The following H1-2 variants were observed in gnomAD, a reference collection of about 807,000 sequenced individuals.
The protein encoded by H1-2 is H1.2 linker histone, cluster member, also known as histone H1.2.
Under a neutral mutation model 7.2 loss-of-function variants are expected in H1-2, and 7 were observed. That is an observed-to-expected ratio of 0.97 (90% CI 0.55 to 1.82). The LOEUF is 1.82. Ranked by LOEUF, H1-2 falls within the 40% of genes most tolerant of loss-of-function variation. The pLI, the probability that H1-2 is intolerant of heterozygous loss-of-function variation, is 0.00. For synonymous variants in H1-2, 300 were observed against 118.2 expected (o/e 2.54, Z -9.98); for missense variants, 703 against 276.6 (o/e 2.54, Z -10.94).
At position 26,055,870 on chromosome 6, in the gene H1-2, T is replaced by G. The variant is rs758046715; in HGVS notation, c.559A>C (p.Lys187Gln). The G allele has an allele frequency of 3.7e-6, 6 of 1,614,150 alleles. No homozygotes were observed. The highest frequency in any genetic ancestry group is 5.1e-6 in the Non-Finnish European group (6 of 1,179,960). Residue 187 changes from lysine to glutamine, a missense_variant, in exon 1 of 1, where the codon AAA (lysine) becomes CAA (glutamine). Transcript: ENST00000343677. ...AKVAKPKKAAKSAAKAVKPKA... is the reference protein window; with the variant it reads ...AKVAKPKKAAQSAAKAVKPKA... ...GGCTTCACAGCCTTAGCAGCACTTT[T>G]GGCAGCTTTCTTGGGCTTCGCAACC... is the stretch of plus-strand genomic sequence containing the variant.
rs781230949 is a variant in H1-2 at position 26,056,283 on chromosome 6, G to A, written c.146C>T (p.Ala49Val). 27 of 1,614,126 alleles carry A rather than the reference G, an allele frequency of 1.7e-5. No homozygotes were observed. Among genetic ancestry groups the A allele is most frequent in the South Asian group, 3.3e-5 (3 of 91,094 alleles). Reference sequence around the variant, plus strand: ...AACTCCGCTACGCTCTTTAGAGGCGGCCACAGCCTTGGTGATGAGCTCTGA... The same window carrying A: ...AACTCCGCTACGCTCTTTAGAGGCGACCACAGCCTTGGTGATGAGCTCTGA... ...PVSELITKAV[A>V]ASKERSGVSL... The change falls in exon 1 of 1, where the codon GCC becomes GTC. Residue 49 changes from alanine (A) to valine (V), a missense_variant. Ala to Val is a moderately conservative substitution (Grantham distance 64). Transcript: ENST00000343677.
chr6:26,055,859 A>T lies in H1-2; in HGVS notation c.570T>A (p.Ala190=), dbSNP rs1455233863. The T allele has an allele frequency of 6.2e-7, 1 of 1,614,036 alleles. No homozygotes were observed. The highest frequency in any genetic ancestry group is 8.5e-7 in the Non-Finnish European group (1 of 1,179,938). Residue 190 remains alanine (A), a synonymous_variant, in exon 1 of 1, where the codon GCT becomes GCA. Transcript: ENST00000343677. ...AKPKKAAKSA[A]KAVKPKAAKP... ...TAGCGGCCTTGGGCTTCACAGCCTT[A>T]GCAGCACTTTTGGCAGCTTTCTTGG... is the stretch of plus-strand genomic sequence containing the variant.
At position 26,056,337 on chromosome 6, in the gene H1-2, G is replaced by A. The variant is rs769526254; in HGVS notation, c.92C>T (p.Thr31Met). 3.1e-6 allele frequency: 5 copies of A among 1,614,028 alleles called. No homozygotes were observed. Among genetic ancestry groups the A allele is most frequent in the African/African-American group, 1.3e-5 (1 of 75,074 alleles). Reference protein sequence around the residue: ...KKKAAKKAGGTPRKASGPPVS... With the variant: ...KKKAAKKAGGMPRKASGPPVS... ...CGGGGGACCAGACGCCTTACGAGGC[G>A]TACCCCCAGCCTTTTTGGCCGCCTT... The change falls in exon 1 of 1, where the codon ACG (threonine) becomes ATG (methionine). Residue 31 changes from threonine (T) to methionine (M), a missense_variant. By Grantham distance (81) the Thr-to-Met change is moderately conservative (BLOSUM62 -1). Transcript: ENST00000343677.
rs749161844 is a variant in H1-2, at chr6:26,056,319, C to T, written c.110G>A (p.Gly37Asp). 3.7e-6 allele frequency: 6 copies of T among 1,613,968 alleles called. No homozygotes were observed. In the Admixed American group the frequency reaches 8.3e-5, roughly 22 times the overall value. Residue 37 changes from glycine (G) to aspartate (D), a missense_variant, in exon 1 of 1, where the codon GGT becomes GAT. Transcript: ENST00000343677. ...GGTGATGAGCTCTGACACCGGGGGA[C>T]CAGACGCCTTACGAGGCGTACCCCC... is the stretch of plus-strand genomic sequence containing the variant. ...KAGGTPRKAS[G>D]PPVSELITKA...
rs1761921861 is a variant in H1-2 at position 26,056,235 on chromosome 6, GCT to G, written c.192_193del (p.Lys64AsnfsTer8). 1 of 1,614,112 alleles carries G rather than the reference GCT, an allele frequency of 6.2e-7. No individual in the cohort carries two copies. The highest frequency in any genetic ancestry group is 1.3e-5 in the African/African-American group (1 of 74,946). On this transcript the variant is annotated frameshift_variant, in exon 1 of 1. Transcript: ENST00000343677. LOFTEE classifies it high-confidence loss of function. ...CACATCATAGCCGGCGGCAGCCAACGCTTTTTTCAGAGCAGCCAGAGAAACTC... is the reference window on the plus strand; with the variant it reads ...CACATCATAGCCGGCGGCAGCCAACGTTTTTCAGAGCAGCCAGAGAAACTC...
chr6:26,055,798 T>G lies in H1-2; in HGVS notation c.631A>C (p.Lys211Gln), dbSNP rs928708568. The change falls in exon 1 of 1, where the codon AAG (lysine) becomes CAG (glutamine). Residue 211 changes from lysine (K) to glutamine (Q), a missense_variant. Lys to Gln is a moderately conservative substitution (Grantham distance 53). Coordinates refer to ENST00000343677, the MANE Select transcript of H1-2 (RefSeq NM_005319.4). ...KVVKPKKAAP[K>Q]KK ...AAGTAGGCGTTCGCCTATTTCTTCT[T>G]GGGCGCCGCCTTCTTAGGCTTGACA... 1 of 1,593,046 alleles carries G rather than the reference T, an allele frequency of 6.3e-7. No individual in the cohort carries two copies. Among genetic ancestry groups the G allele is most frequent in the Non-Finnish European group, 8.5e-7 (1 of 1,174,482 alleles).
rs753297409 is a variant in H1-2 at position 26,055,789 on chromosome 6, A to G, written c.640T>C (p.Ter214GlnextTer6). Residue 214 changes from the stop codon to glutamine (Q), a stop_lost, in exon 1 of 1, where the codon TAG (stop) becomes CAG (glutamine). Transcript: ENST00000343677. ...KPKKAAPKKK[*>Q] ...GGGTTTTAGAAGTAGGCGTTCGCCT[A>G]TTTCTTCTTGGGCGCCGCCTTCTTA... 1.3e-6 allele frequency: 2 copies of G among 1,590,646 alleles called. No individual in the cohort carries two copies. The highest frequency in any genetic ancestry group is 1.7e-6 in the Non-Finnish European group (2 of 1,173,860).
chr6:26,055,957 C>T lies in H1-2; in HGVS notation c.472G>A (p.Ala158Thr), dbSNP rs780492856. ...KKSAKKTPKK[A>T]KKPAAATVTK... is the part of the protein sequence containing the mutation. The stretch of plus-strand genomic sequence containing the variant: ...ACAGTGGCCGCGGCCGGCTTCTTCG[C>T]TTTCTTCGGTGTTTTCTTAGCGCTC... Residue 158 changes from alanine (A) to threonine (T), a missense_variant, in exon 1 of 1, where the codon GCG (alanine) becomes ACG (threonine). Ala to Thr is a moderately conservative substitution (Grantham distance 58). Transcript: ENST00000343677. 5.0e-6 allele frequency: 8 copies of T among 1,614,002 alleles called. No individual in the cohort carries two copies. Among genetic ancestry groups the T allele is most frequent in the East Asian group, 2.2e-5 (1 of 44,884 alleles).
rs746494230 is a variant in H1-2, at chr6:26,055,989, G to C, written c.440C>G (p.Pro147Arg). The change falls in exon 1 of 1, where the codon CCG becomes CGG. Residue 147 changes from proline to arginine, a missense_variant. Transcript: ENST00000343677. ...KPKKAAGGAT[P>R]KKSAKKTPKK... Reference sequence around the variant, plus strand: ...CGGTGTTTTCTTAGCGCTCTTCTTCGGAGTTGCGCCGCCAGCCGCCTTCTT... The same window carrying C: ...CGGTGTTTTCTTAGCGCTCTTCTTCCGAGTTGCGCCGCCAGCCGCCTTCTT... 1.9e-6 allele frequency: 3 copies of C among 1,613,832 alleles called. No individual in the cohort carries two copies. Among genetic ancestry groups the C allele is most frequent in the Admixed American group, 1.7e-5 (1 of 59,968 alleles).
Position 26,056,108 on chromosome 6 carries a change from G to A in H1-2, c.321C>T (p.Leu107=), listed in dbSNP as rs1485393333. 6.2e-7 allele frequency: 1 copy of A among 1,614,216 alleles called. No homozygotes were observed. The highest frequency in any genetic ancestry group is 1.7e-4 in the Middle Eastern group (1 of 6,060). The part of the protein sequence containing the change: ...KGTGASGSFK[L]NKKAASGEAK... ...CTTCCCCGGAGGCTGCCTTCTTGTTGAGTTTAAAGGAGCCAGAAGCACCGG... is the reference window on the plus strand; with the variant it reads ...CTTCCCCGGAGGCTGCCTTCTTGTTAAGTTTAAAGGAGCCAGAAGCACCGG... Residue 107 remains leucine (L), a synonymous_variant, in exon 1 of 1, where the codon CTC becomes CTT. Transcript: ENST00000343677.
rs1267448874 is a variant in H1-2 at position 26,055,758 on chromosome 6, C to T, written c.*29G>A. The T allele has an allele frequency of 1.3e-6, 2 of 1,566,206 alleles. No homozygotes were observed. The highest frequency in any genetic ancestry group is 1.4e-5 in the African/African-American group (1 of 72,116). On this transcript the variant is annotated 3_prime_UTR_variant, in exon 1 of 1. Coordinates refer to ENST00000343677, the MANE Select transcript of H1-2 (RefSeq NM_005319.4). ...AGATCAGTGGTGGCTCTGAAAAGAG[C>T]CTTTTGGGTTTTAGAAGTAGGCGTT...
chr6:26,056,007 G>A lies in H1-2; in HGVS notation c.422C>T (p.Ala141Val), dbSNP rs2113701302. Reference sequence around the variant, plus strand: ...CTTCTTCGGAGTTGCGCCGCCAGCCGCCTTCTTGGGCTTCTTGGCTGCCCC... The same window carrying A: ...CTTCTTCGGAGTTGCGCCGCCAGCCACCTTCTTGGGCTTCTTGGCTGCCCC... ...PVGAAKKPKKAAGGATPKKSA... is the reference protein window; with the variant it reads ...PVGAAKKPKKVAGGATPKKSA... Residue 141 changes from alanine to valine, a missense_variant, in exon 1 of 1, where the codon GCG (alanine) becomes GTG (valine). Physicochemically the swap from Ala to Val is moderately conservative, Grantham distance 64. Coordinates refer to ENST00000343677, the MANE Select transcript of H1-2 (RefSeq NM_005319.4). The A allele has an allele frequency of 4.3e-6, 7 of 1,613,990 alleles. No individual in the cohort carries two copies. Among genetic ancestry groups the A allele is most frequent in the Non-Finnish European group, 5.9e-6 (7 of 1,180,020 alleles).
At position 26,055,750 on chromosome 6, in the gene H1-2, GA is replaced by G. The variant is rs766765504; in HGVS notation, c.*36del. ...TTTTATTGAGATCAGTGGTGGCTCTGAAAAGAGCCTTTTGGGTTTTAGAAGT... is the reference window on the plus strand; with the variant it reads ...TTTTATTGAGATCAGTGGTGGCTCTGAAAGAGCCTTTTGGGTTTTAGAAGT... On this transcript the variant is annotated 3_prime_UTR_variant, in exon 1 of 1. Coordinates refer to ENST00000343677, the MANE Select transcript of H1-2 (RefSeq NM_005319.4). 19 of 1,547,424 alleles carry G rather than the reference GA, an allele frequency of 1.2e-5. No individual in the cohort carries two copies. Among genetic ancestry groups the G allele is most frequent in the Non-Finnish European group, 1.6e-5 (18 of 1,147,324 alleles).
Position 26,056,007 on chromosome 6 carries a change from G to C in H1-2, c.422C>G (p.Ala141Gly). The C allele has an allele frequency of 6.2e-6, 10 of 1,613,990 alleles. No homozygotes were observed. Among genetic ancestry groups the C allele is most frequent in the Non-Finnish European group, 8.5e-6 (10 of 1,180,020 alleles). Residue 141 changes from alanine to glycine, a missense_variant, in exon 1 of 1, where the codon GCG (alanine) becomes GGG (glycine). Coordinates refer to ENST00000343677, the MANE Select transcript of H1-2 (RefSeq NM_005319.4). Reference sequence around the variant, plus strand: ...CTTCTTCGGAGTTGCGCCGCCAGCCGCCTTCTTGGGCTTCTTGGCTGCCCC... The same window carrying C: ...CTTCTTCGGAGTTGCGCCGCCAGCCCCCTTCTTGGGCTTCTTGGCTGCCCC... ...PVGAAKKPKK[A>G]AGGATPKKSA...
At position 26,055,892 on chromosome 6, in the gene H1-2, A is replaced by C. The variant is rs769564159; in HGVS notation, c.537T>G (p.Val179=). 4.3e-6 allele frequency: 7 copies of C among 1,614,000 alleles called. No homozygotes were observed. Among genetic ancestry groups the C allele is most frequent in the African/African-American group, 1.3e-5 (1 of 74,890 alleles). The part of the protein sequence containing the change: ...KVAKSPKKAK[V]AKPKKAAKSA... ...TTTTGGCAGCTTTCTTGGGCTTCGC[A>C]ACCTTGGCCTTCTTTGGGCTCTTAG... The change falls in exon 1 of 1, where the codon GTT becomes GTG. Residue 179 remains valine, a synonymous_variant. Coordinates refer to ENST00000343677, the MANE Select transcript of H1-2 (RefSeq NM_005319.4).
In H1-2 at chr6:26,056,443, A is replaced by C. The variant is rs765433258; in HGVS notation, c.-15T>G. On this transcript the variant is annotated 5_prime_UTR_variant, in exon 1 of 1. Transcript: ENST00000343677. ...GTCTCGGACATGTTGAGAATCAAAA[A>C]CTCGGGTACAAGTGGCAAAGCGCCG... The C allele has an allele frequency of 1.9e-6, 3 of 1,553,222 alleles. No individual in the cohort carries two copies. Among genetic ancestry groups the C allele is most frequent in the Non-Finnish European group, 2.6e-6 (3 of 1,154,346 alleles).
rs778314704 is a variant in H1-2, at chr6:26,056,424, G to A, written c.5C>T (p.Ser2Phe). The A allele has an allele frequency of 1.5e-5, 23 of 1,571,204 alleles. No homozygotes were observed. Among genetic ancestry groups the A allele is most frequent in the South Asian group, 2.4e-5 (2 of 85,080 alleles). The change falls in exon 1 of 1, where the codon TCC (serine) becomes TTC (phenylalanine). Residue 2 changes from serine to phenylalanine, a missense_variant. Coordinates refer to ENST00000343677, the MANE Select transcript of H1-2 (RefSeq NM_005319.4). ...AGCGGGAGCGGCAGGAGCAGTCTCGGACATGTTGAGAATCAAAAACTCGGG... is the reference window on the plus strand; with the variant it reads ...AGCGGGAGCGGCAGGAGCAGTCTCGAACATGTTGAGAATCAAAAACTCGGG... M[S>F]ETAPAAPAAA...
Position 26,055,844 on chromosome 6 carries a change from G to A in H1-2, c.585C>T (p.Pro195=), listed in dbSNP as rs8384. The stretch of plus-strand genomic sequence containing the variant: ...TGACAACCTTGGGCTTAGCGGCCTT[G>A]GGCTTCACAGCCTTAGCAGCACTTT... ...AAKSAAKAVK[P]KAAKPKVVKP... The change falls in exon 1 of 1, where the codon CCC becomes CCT. Residue 195 remains proline (P), a synonymous_variant. Coordinates refer to ENST00000343677, the MANE Select transcript of H1-2 (RefSeq NM_005319.4). 9 of 1,613,734 alleles carry A rather than the reference G, an allele frequency of 5.6e-6. No homozygotes were observed. The highest frequency in any genetic ancestry group is 2.2e-5 in the South Asian group (2 of 91,022).
In H1-2 at chr6:26,056,104, T is replaced by C. The variant is rs766001658; in HGVS notation, c.325A>G (p.Lys109Glu). 2 of 1,614,184 alleles carry C rather than the reference T, an allele frequency of 1.2e-6. No homozygotes were observed. Among genetic ancestry groups the C allele is most frequent in the South Asian group, 1.1e-5 (1 of 91,084 alleles). The stretch of plus-strand genomic sequence containing the variant: ...TTGGCTTCCCCGGAGGCTGCCTTCT[T>C]GTTGAGTTTAAAGGAGCCAGAAGCA... ...TGASGSFKLNKKAASGEAKPK... is the reference protein window; with the variant it reads ...TGASGSFKLNEKAASGEAKPK... Residue 109 changes from lysine to glutamate, a missense_variant, in exon 1 of 1, where the codon AAG (lysine) becomes GAG (glutamate). Lys to Glu is a moderately conservative substitution (Grantham distance 56). Coordinates refer to ENST00000343677, the MANE Select transcript of H1-2 (RefSeq NM_005319.4).
Sources: gnomAD v4.1 joint callset for allele counts on GRCh38, gnomAD v4.1.1 for gene constraint, MANE v1.5 for transcripts, NCBI Gene and HGNC (gene_info 2026-07-23, HGNC 2026-07-21) for gene names.